AKAP11: variants seen among roughly 807,000 people sequenced by gnomAD.
AKAP11 encodes the protein A-kinase anchoring protein 11, also known as A-kinase anchor protein 11.
AKAP11 carries 36 observed loss-of-function variants against 146.1 expected under a neutral mutation model. The ratio of observed to expected loss-of-function variants is 0.25; its 90% CI spans 0.19 to 0.33. AKAP11 has a LOEUF of 0.33. Ranked by LOEUF, AKAP11 falls within the 10% of genes least tolerant of loss-of-function variation. The pLI is 1.00. For synonymous variants in AKAP11, 780 were observed against 786.5 expected, an observed-to-expected ratio of 0.99 and a Z score of 0.14; for missense variants, 2,201 against 2,197.0, an observed-to-expected ratio of 1.00 and a Z score of -0.04.
intron 9 of AKAP11, among the ~76,000 whole-genome samples, chr13:42,310,454 T>G (rs1183041817): frequency 6.6e-6 from 1 of 152,254 alleles, no homozygotes; most frequent in Non-Finnish European, 1.5e-5. Context: ...TTCAGAGACC[T>G]CACTTGAAAA....
In AKAP11 at chr13:42,300,952, T is replaced by G. The variant is rs1320958416; in HGVS notation, c.2206T>G (p.Ser736Ala). The G allele has an allele frequency of 6.2e-7, 1 of 1,614,148 alleles. No individual in the cohort carries two copies. The highest frequency in any genetic ancestry group is 8.5e-7 in the Non-Finnish European group (1 of 1,179,984). ...KYVSAESVVPSTQAVTFSPSF... is the reference protein window; with the variant it reads ...KYVSAESVVPATQAVTFSPSF... Reference sequence around the variant, plus strand: ...TGTGAGTGCAGAAAGTGTAGTGCCATCGACACAGGCTGTCACGTTTTCCCC... The same window carrying G: ...TGTGAGTGCAGAAAGTGTAGTGCCAGCGACACAGGCTGTCACGTTTTCCCC... Residue 736 changes from serine to alanine, a missense_variant, in exon 8 of 13, where the codon TCG (serine) becomes GCG (alanine). By Grantham distance (99) the Ser-to-Ala change is moderately conservative. Transcript: ENST00000025301.
At chr13:42,285,197 C>A (rs1275083720) in intron 1 of AKAP11, among the ~76,000 whole-genome samples, 1 of 152,146 alleles carries the variant, frequency 6.6e-6, no homozygotes, top group Admixed American at 6.5e-5. Context: ...CTCAGCTAAG[C>A]AATTCATTTT....
chr13:42,291,403 G>A (rs1433661033), intron 3 of AKAP11, among the ~76,000 whole-genome samples: 2 of 152,036 alleles, frequency 1.3e-5, no homozygotes, highest in African/African-American at 4.8e-5. Context: ...CAGGCACGTG[G>A]CACCATGCCA....
chr13:42,288,119 A>G (rs185645388), intron 3 of AKAP11, among the ~76,000 whole-genome samples: 5 of 152,314 alleles, frequency 3.3e-5, no homozygotes, highest in Admixed American at 2.0e-4. Flanking sequence ...GTGCATCTTA[A>G]TGTCAGACAC....
chr13:42,294,778 AGG>A (rs1207745257), intron 4 of AKAP11, among the ~76,000 whole-genome samples: 2 of 152,204 alleles, frequency 1.3e-5, no homozygotes, highest in Non-Finnish European at 2.9e-5. Flanking sequence ...CTTATGACTT[AGG>A]GAAAAAATGC....
chr13:42,315,913 T>C (rs1030867403), intron 11 of AKAP11, among the ~76,000 whole-genome samples: 22 of 152,124 alleles, frequency 1.4e-4, no homozygotes, highest in Admixed American at 1.2e-3. Flanking sequence ...TTTTCACTAA[T>C]GGTTAGAGAC....
Position 42,301,759 on chromosome 13 carries a change from G to T in AKAP11, c.3013G>T (p.Asp1005Tyr). ...TCACTGCTCACTTTCAGCTGCAAAG[G>T]ATTGTGTTCCAGAATGTAAAGTTTC... Reference protein sequence around the residue: ...LTHCSLSAAKDCVPECKVSMV... With the variant: ...LTHCSLSAAKYCVPECKVSMV... Residue 1005 changes from aspartate to tyrosine, a missense_variant, in exon 8 of 13, where the codon GAT (aspartate) becomes TAT (tyrosine). This residue lies in a region of AKAP11 where 1,867 missense variants were observed against 1,833.5 expected (regional missense o/e 1.02). Transcript: ENST00000025301. 1 of 1,614,100 alleles carries T rather than the reference G, an allele frequency of 6.2e-7. No individual in the cohort carries two copies. Among genetic ancestry groups the T allele is most frequent in the Non-Finnish European group, 8.5e-7 (1 of 1,180,004 alleles).
chr13:42,303,977 A>G, intron 8 of AKAP11, 114 bp downstream of exon 8: 1 of 1,314,488 alleles, frequency 7.6e-7, no homozygotes, highest in Non-Finnish European at 1.0e-6. Flanking sequence ...TACATAAACA[A>G]AAGTTTTCCC....
chr13:42,301,165 T>C lies in AKAP11; in HGVS notation c.2419T>C (p.Ser807Pro). 2.5e-6 allele frequency: 4 copies of C among 1,614,108 alleles called. No individual in the cohort carries two copies. The highest frequency in any genetic ancestry group is 3.4e-6 in the Non-Finnish European group (4 of 1,179,984). ...TACQAKAHLS[S>P]DDSNSNGDSA... The stretch of plus-strand genomic sequence containing the variant: ...ATGTCAGGCCAAGGCTCATCTGTCA[T>C]CTGATGATAGTAATTCAAATGGTGA... The change falls in exon 8 of 13, where the codon TCT (serine) becomes CCT (proline). Residue 807 changes from serine (S) to proline (P), a missense_variant. Around this residue, in one of 3 missense-constraint regions of AKAP11, gnomAD observed 1,867 missense variants for 1,833.5 expected, o/e 1.02. Coordinates refer to ENST00000025301, the MANE Select transcript of AKAP11 (RefSeq NM_016248.4).
chr13:42,311,826 GGTTTTAACA>G (rs1409933962), intron 9 of AKAP11, among the ~76,000 whole-genome samples: 1 of 151,918 alleles, frequency 6.6e-6, no homozygotes, highest in Non-Finnish European at 1.5e-5. Context: ...GAACTACATG[GGTTTTAACA>G]GTTTTATAAT....
chr13:42,306,186 A>G (rs1485547484), intron 8 of AKAP11, among the ~76,000 whole-genome samples: 2 of 152,232 alleles, frequency 1.3e-5, no homozygotes, highest in African/African-American at 2.4e-5. Flanking sequence ...GATAATAAAC[A>G]TAATAAATTG....
chr13:42,303,881 T>G lies in AKAP11; in HGVS notation c.5117+18T>G, dbSNP rs771263297. Reference sequence around the variant, plus strand: ...GTTAGCAGGTAAGTTTCACGTTTCTTTTGGTTGTTAATGATAAATTAAAAA... The same window carrying G: ...GTTAGCAGGTAAGTTTCACGTTTCTGTTGGTTGTTAATGATAAATTAAAAA... On this transcript the variant is annotated intron_variant, in intron 8 of 12. Transcript: ENST00000025301. 4 of 1,545,246 alleles carry G rather than the reference T, an allele frequency of 2.6e-6. No individual in the cohort carries two copies. The highest frequency in any genetic ancestry group is 3.5e-6 in the Non-Finnish European group (4 of 1,150,136).
chr13:42,296,579 T>G (rs746473131), intron 5 of AKAP11, among the ~76,000 whole-genome samples: 3 of 152,086 alleles, frequency 2.0e-5, no homozygotes, highest in Non-Finnish European at 4.4e-5. Context: ...TTCATTAAAA[T>G]TATCAGTTAA....
chr13:42,284,312 C>A (rs970210495), intron 1 of AKAP11, among the ~76,000 whole-genome samples: 4 of 152,190 alleles, frequency 2.6e-5, no homozygotes, highest in African/African-American at 9.7e-5. Flanking sequence ...AGGGTTTTGA[C>A]ACGCATTACA....
chr13:42,310,287 C>T (rs1165905643), intron 9 of AKAP11, among the ~76,000 whole-genome samples: 1 of 152,066 alleles, frequency 6.6e-6, no homozygotes, highest in Non-Finnish European at 1.5e-5. Flanking sequence ...GGTTCTGGCA[C>T]AGAGAAAAAG....
chr13:42,309,674 G>A (rs7995222), intron 9 of AKAP11, among the ~76,000 whole-genome samples: 81,696 of 152,044 alleles, frequency 0.54, 22,182 homozygotes, highest in East Asian at 0.63. Flanking sequence ...CAAAAAGACA[G>A]TGTTTAAAAC....
At chr13:42,287,361 G>A (rs900362322) in intron 3 of AKAP11, among the ~76,000 whole-genome samples, 2 of 151,814 alleles carry the variant, frequency 1.3e-5, no homozygotes, top group East Asian at 3.9e-4. Context: ...TTGGCTTACT[G>A]CAAGCTCTGA....
At chr13:42,275,631 G>A (rs1958898350) in intron 1 of AKAP11, among the ~76,000 whole-genome samples, 2 of 152,164 alleles carry the variant, frequency 1.3e-5, no homozygotes, top group African/African-American at 4.8e-5. Context: ...TCTCAGCTTG[G>A]TAATGTTCTA....
intron 12 of AKAP11, 43 bp downstream of exon 12, chr13:42,317,731 A>G (rs2138721822): frequency 1.9e-6 from 3 of 1,580,610 alleles, no homozygotes; most frequent in Non-Finnish European, 2.6e-6. Flanking sequence ...ATTTAACAGT[A>G]TATGATGTTC....
Sources: gnomAD v4.1 joint callset for allele counts (sites outside exome capture counted in the v4.1 genomes callset) on GRCh38, gnomAD v4.1.1 for gene constraint, gnomAD v4.1.1 regional missense constraint, MANE v1.5 for transcripts, NCBI Gene and HGNC (gene_info 2026-07-23, HGNC 2026-07-21) for gene names.